Variants in SND1 observed in about 807,000 individuals in gnomAD.
SND1 encodes the protein staphylococcal nuclease domain-containing protein 1.
A neutral mutation model predicts 121.7 loss-of-function variants in SND1; 38 were observed. The observed-to-expected ratio is 0.31, with a 90% CI of 0.24 to 0.41. SND1 has a LOEUF of 0.41. Among genes scored for constraint, SND1 ranks in the 10% least tolerant of loss-of-function variants. The pLI, the probability that SND1 is intolerant of heterozygous loss-of-function variation, is 1.00. For synonymous variants in SND1, 401 were observed against 447.4 expected (o/e 0.90, Z 1.31); for missense variants, 868 against 1,184.6 (o/e 0.73, Z 3.92).
intron 15 of SND1, among the ~76,000 whole-genome samples, chr7:127,978,719 A>T (rs1044504560): frequency 9.2e-5 from 14 of 152,166 alleles, no homozygotes; most frequent in African/African-American, 2.7e-4. Context: ...TTATAATTTA[A>T]CATTTTATGC....
chr7:127,847,137 T>C (rs535143082), intron 12 of SND1, among the ~76,000 whole-genome samples: 1 of 152,192 alleles, frequency 6.6e-6, no homozygotes, highest in Non-Finnish European at 1.5e-5. Flanking sequence ...CTGAGTCTGG[T>C]GGCAGGTGCC....
intron 21 of SND1, 51 bp downstream of exon 21, chr7:128,087,102 G>A: frequency 7.1e-7 from 1 of 1,400,866 alleles, no homozygotes; most frequent in Non-Finnish European, 1.0e-6. Context: ...CTGACACTTA[G>A]CCGCTGCAGC....
At chr7:127,707,721 T>G in intron 9 of SND1, 74 bp downstream of exon 9, 1 of 1,302,576 alleles carries the variant, frequency 7.7e-7, no homozygotes, top group Non-Finnish European at 1.1e-6. Flanking sequence ...ATTTGAACAA[T>G]TAGAAATGCT....
rs559024189 is a variant in SND1, at chr7:127,789,433, G to A, written c.1153-18051G>A. ...GATTAAATCTGAGTTCATAATTAATGTGAGACAAATAATTGAATTTTTTTA... is the reference window on the plus strand; with the variant it reads ...GATTAAATCTGAGTTCATAATTAATATGAGACAAATAATTGAATTTTTTTA... On this transcript the variant is annotated intron_variant, in intron 10 of 23. Transcript: ENST00000354725. Among the ~76,000 whole-genome samples the A allele has an allele frequency of 5.3e-5, 8 of 152,310 alleles. No homozygotes were observed. In the South Asian group the frequency reaches 1.7e-3, roughly 32 times the overall value.
rs138084636 is a variant in SND1, at chr7:127,881,028, C to T, written c.1344-6874C>T. On this transcript the variant is annotated intron_variant, in intron 12 of 23. Coordinates refer to ENST00000354725, the MANE Select transcript of SND1 (RefSeq NM_014390.4). Reference sequence around the variant, plus strand: ...CAGTATAATAGAGAGTGGGCACCATCACCATGCTCAGACTTTTCATCTATA... The same window carrying T: ...CAGTATAATAGAGAGTGGGCACCATTACCATGCTCAGACTTTTCATCTATA... Among the ~76,000 whole-genome samples the T allele has an allele frequency of 1.8e-4, 28 of 152,266 alleles. 1 individual carries two copies. In the East Asian group the frequency reaches 4.5e-3, roughly 24 times the overall value.
intron 1 of SND1, among the ~76,000 whole-genome samples, chr7:127,671,226 ACTT>A (rs1343744030): frequency 3.9e-5 from 6 of 152,178 alleles, no homozygotes; most frequent in East Asian, 1.9e-4. Context: ...GTTTTAAAAA[ACTT>A]CTTATTGTGA....
intron 11 of SND1, among the ~76,000 whole-genome samples, chr7:127,837,339 CTT>C (rs1798885566): frequency 6.6e-6 from 1 of 152,158 alleles, no homozygotes; most frequent in South Asian, 2.1e-4. Flanking sequence ...GATCTCAACA[CTT>C]TTATAATATT....
intron 11 of SND1, among the ~76,000 whole-genome samples, chr7:127,814,484 G>C (rs993311794): frequency 6.6e-6 from 1 of 152,082 alleles, no homozygotes; most frequent in Non-Finnish European, 1.5e-5. Flanking sequence ...AGTGTGAAGT[G>C]AGGCTGGATG....
rs1202733189 is a variant in SND1 at position 128,007,789 on chromosome 7, GAAGT to G, written c.1779+16734_1779+16737del. On this transcript the variant is annotated intron_variant, in intron 16 of 23. Coordinates refer to ENST00000354725, the MANE Select transcript of SND1 (RefSeq NM_014390.4). Reference sequence around the variant, plus strand: ...AAAGATAAAAACCAAATTATAAATAGAAGTGAGTATGACCCATTCAGTTTCCAAG... The same window carrying G: ...AAAGATAAAAACCAAATTATAAATAGGAGTATGACCCATTCAGTTTCCAAG... 2.0e-5 allele frequency among the ~76,000 whole-genome samples: 3 copies of G among 152,276 alleles called. No homozygotes were observed. The East Asian group carries it at 5.8e-4, about 29-fold the overall frequency.
intron 16 of SND1, chr7:127,999,664 G>A (rs1363061489): frequency 6.6e-6 from 1 of 152,184 alleles, no homozygotes; most frequent in Non-Finnish European, 1.5e-5. Flanking sequence ...GGCAGTGATT[G>A]CAATTGGGGA....
rs1023628524 is a variant in SND1 at position 128,084,599 on chromosome 7, G to C, written c.2111-125G>C. On this transcript the variant is annotated intron_variant, in intron 18 of 23. Transcript: ENST00000354725. Reference sequence around the variant, plus strand: ...CTTCCCCGCATGGGTTGGGGACAGAGCCAGTGCTGCAGTGCCCCCCAGAAT... The same window carrying C: ...CTTCCCCGCATGGGTTGGGGACAGACCCAGTGCTGCAGTGCCCCCCAGAAT... 6 of 1,013,162 alleles carry C rather than the reference G, an allele frequency of 5.9e-6. No individual in the cohort carries two copies. The African/African-American group carries it at 8.2e-5, about 14-fold the overall frequency. The allele number at this position is 1,013,162 out of a possible 1,614,324, so 62.8% of individuals were successfully genotyped here.
intron 15 of SND1, among the ~76,000 whole-genome samples, chr7:127,956,743 T>C (rs1485324951): frequency 1.3e-5 from 2 of 152,230 alleles, no homozygotes; most frequent in African/African-American, 4.8e-5. Context: ...TGATGATACG[T>C]GTTTACACAT....
chr7:128,060,932 C>T (rs1198068660), intron 16 of SND1, among the ~76,000 whole-genome samples: 1 of 152,194 alleles, frequency 6.6e-6, no homozygotes, highest in Non-Finnish European at 1.5e-5. Context: ...CAGGACACAC[C>T]TCCCTTGGAG....
At chr7:128,030,125 G>A (rs752846363) in intron 16 of SND1, 2 of 1,614,186 alleles carry the variant, frequency 1.2e-6, no homozygotes, top group Non-Finnish European at 1.7e-6. Flanking sequence ...GGCGCATGAG[G>A]GAGGGCACCC....
At chr7:127,791,241 T>C (rs1282299607) in intron 10 of SND1, among the ~76,000 whole-genome samples, 1 of 149,296 alleles carries the variant, frequency 6.7e-6, no homozygotes, top group Non-Finnish European at 1.5e-5. Flanking sequence ...TGCAACCTCC[T>C]GGACTCAAGC....
At chr7:128,001,168 C>T (rs1280675583) in intron 16 of SND1, among the ~76,000 whole-genome samples, 12 of 152,134 alleles carry the variant, frequency 7.9e-5, no homozygotes, top group African/African-American at 1.9e-4. Context: ...TGAAATGCTG[C>T]GGTGCATGAA....
intron 10 of SND1, among the ~76,000 whole-genome samples, chr7:127,770,502 A>G (rs941662043): frequency 6.6e-6 from 1 of 152,210 alleles, no homozygotes; most frequent in African/African-American, 2.4e-5. Context: ...GACAAAGTCA[A>G]AGCCCTATGA....
Position 127,984,388 on chromosome 7 carries a change from A to G in SND1, c.1670-6559A>G, listed in dbSNP as rs549557077. Among the ~76,000 whole-genome samples the G allele has an allele frequency of 1.3e-5, 2 of 152,328 alleles. 1 individual carries two copies. Among genetic ancestry groups the G allele is most frequent in the South Asian group, 4.1e-4 (2 of 4,824 alleles). On this transcript the variant is annotated intron_variant, in intron 15 of 23. Coordinates refer to ENST00000354725, the MANE Select transcript of SND1 (RefSeq NM_014390.4). ...CTTTGTTTAATCCTTGAAGTGTTAT[A>G]TAACCATGGGAAAGTGGGATGTATG... is the stretch of plus-strand genomic sequence containing the variant.
chr7:127,951,073 T>C (rs867677721), intron 15 of SND1, among the ~76,000 whole-genome samples: 19 of 152,286 alleles, frequency 1.2e-4, no homozygotes, highest in Admixed American at 3.3e-4. Flanking sequence ...TGGGTATATA[T>C]CCAAAGGAAA....
Sources: allele counts gnomAD v4.1 joint callset (sites outside exome capture counted in the v4.1 genomes callset), GRCh38; gene constraint gnomAD v4.1.1; transcripts MANE v1.5; gene names NCBI Gene and HGNC (gene_info 2026-07-23, HGNC 2026-07-21).